ILDR1: variants seen among roughly 807,000 people sequenced by gnomAD.
ILDR1 encodes the protein immunoglobulin-like domain-containing receptor 1.
ILDR1 carries 56 observed loss-of-function variants against 62.4 expected under a neutral mutation model. The observed-to-expected ratio is 0.90, with a 90% confidence interval of 0.72 to 1.12. ILDR1 has a LOEUF of 1.12. ILDR1 is among the 50% of genes most tolerant of loss of function. ILDR1 has a pLI of 0.00. For synonymous variants in ILDR1, 284 were observed against 277.8 expected, an observed-to-expected ratio of 1.02 and a Z score of -0.22; for missense variants, 736 against 710.6, an observed-to-expected ratio of 1.04 and a Z score of -0.41.
the ILDR1 span, among the ~76,000 whole-genome samples, chr3:122,034,537 A>C: frequency 2.0e-5 from 3 of 152,260 alleles, no homozygotes; most frequent in African/African-American, 7.2e-5. Flanking sequence ...TAAGCCAGTA[A>C]CAAGAATCAA....
the ILDR1 span, among the ~76,000 whole-genome samples, chr3:122,048,855 T>TGGACACCTGGCCTC: frequency 6.6e-6 from 1 of 152,118 alleles, no homozygotes; most frequent in Admixed American, 6.5e-5. Flanking sequence ...AGGCTGGTCT[T>TGGACACCTGGCCTC]GGACACCTGG....
At chr3:121,995,430 G>T (rs537818837) in intron 5 of ILDR1, among the ~76,000 whole-genome samples, 49 of 152,336 alleles carry the variant, frequency 3.2e-4, no homozygotes, top group Admixed American at 2.3e-3. Context: ...CACATAGGGT[G>T]TAGGGTTTGC....
the ILDR1 span, among the ~76,000 whole-genome samples, chr3:122,031,492 C>T: frequency 6.6e-6 from 1 of 152,284 alleles, no homozygotes; most frequent in Non-Finnish European, 1.5e-5. Flanking sequence ...CTGCTAGAGA[C>T]TGAATATTTC....
the ILDR1 span, among the ~76,000 whole-genome samples, chr3:122,029,135 G>A: frequency 1.3e-5 from 2 of 152,142 alleles, no homozygotes; most frequent in African/African-American, 2.4e-5. Flanking sequence ...AAAGACTAAA[G>A]CATTATGCTA....
intron 7 of ILDR1, among the ~76,000 whole-genome samples, chr3:121,992,058 T>C (rs773419017): frequency 5.9e-5 from 9 of 152,214 alleles, no homozygotes; most frequent in Admixed American, 5.9e-4. Flanking sequence ...TGAGGCAGTT[T>C]ATTAATGTTT....
chr3:122,016,792 G>A (rs116344860), intron 1 of ILDR1, among the ~76,000 whole-genome samples: 6 of 152,330 alleles, frequency 3.9e-5, no homozygotes, highest in Non-Finnish European at 8.8e-5. Flanking sequence ...CATAGAGAAT[G>A]GTTGGAAGTA....
chr3:122,046,680 T>C, the ILDR1 span, among the ~76,000 whole-genome samples: 1 of 149,526 alleles, frequency 6.7e-6, no homozygotes, highest in East Asian at 2.0e-4. Flanking sequence ...CATCTTCCAT[T>C]GCTGATACCC....
chr3:122,029,291 GA>G, the ILDR1 span, among the ~76,000 whole-genome samples: 2 of 152,032 alleles, frequency 1.3e-5, no homozygotes, highest in African/African-American at 4.8e-5. Flanking sequence ...TGGATCACTT[GA>G]GGTCAGGAGT....
intron 1 of ILDR1, among the ~76,000 whole-genome samples, chr3:122,009,943 T>C (rs756827054): frequency 6.6e-6 from 1 of 152,164 alleles, no homozygotes; most frequent in Non-Finnish European, 1.5e-5. Flanking sequence ...GACTGGGCTG[T>C]GATGCAGATG....
At chr3:122,033,022 T>C in the ILDR1 span, among the ~76,000 whole-genome samples, 55 of 152,344 alleles carry the variant, frequency 3.6e-4, 1 homozygote, top group South Asian at 0.011. Flanking sequence ...GGTACTTTGT[T>C]ATGTGGCAAT....
intron 1 of ILDR1, among the ~76,000 whole-genome samples, chr3:122,009,401 A>G (rs2071670252): frequency 6.7e-6 from 1 of 149,274 alleles, no homozygotes; most frequent in African/African-American, 2.5e-5. Flanking sequence ...TTCAAATTAA[A>G]CTTTAATATT....
the ILDR1 span, among the ~76,000 whole-genome samples, chr3:122,059,899 C>T: frequency 4.1e-4 from 63 of 152,214 alleles, no homozygotes; most frequent in African/African-American, 1.4e-3. Context: ...GCGAAGACGG[C>T]CATCCACATA....
the ILDR1 span, among the ~76,000 whole-genome samples, chr3:122,041,747 T>C: frequency 6.6e-6 from 1 of 152,118 alleles, no homozygotes; most frequent in Non-Finnish European, 1.5e-5. Context: ...GATTTTTGTG[T>C]GTTGATTTCG....
At chr3:122,009,324 A>AACACACACACACACAC (rs60284951) in intron 1 of ILDR1, among the ~76,000 whole-genome samples, 6,808 of 137,716 alleles carry the variant, frequency 0.049, 289 homozygotes, top group Middle Eastern at 0.072. Context: ...CTCAATTTAA[A>AACACACACACACACAC]ACACACACAC....
Position 121,993,737 on chromosome 3 carries a change from C to G in ILDR1, c.1012G>C (p.Asp338His), listed in dbSNP as rs745474744. 6.2e-7 allele frequency: 1 copy of G among 1,614,134 alleles called. No individual in the cohort carries two copies. The highest frequency in any genetic ancestry group is 1.1e-5 in the South Asian group (1 of 91,074). ...CTGGTCCTCCTTGAGGATGACAGGT[C>G]TCTGATCAGTGGGGGCAGGTGGATG... ...RIIHLPPLIR[D>H]LSSSRRTSDS... The change falls in exon 7 of 8, where the codon GAC (aspartate) becomes CAC (histidine). Residue 338 changes from aspartate to histidine, a missense_variant. Asp to His is a moderately conservative substitution (Grantham distance 81). Coordinates refer to ENST00000344209, the MANE Select transcript of ILDR1 (RefSeq NM_001199799.2).
intron 1 of ILDR1, among the ~76,000 whole-genome samples, chr3:122,013,958 T>C (rs1056287012): frequency 1.3e-5 from 2 of 152,214 alleles, no homozygotes; most frequent in Non-Finnish European, 2.9e-5. Flanking sequence ...AAGCTTTACT[T>C]TCTCTCAATT....
chr3:122,005,452 G>A (rs756771623), intron 2 of ILDR1, 59 bp from the exon 3 acceptor site: 4 of 1,596,888 alleles, frequency 2.5e-6, no homozygotes, highest in Non-Finnish European at 3.4e-6. Context: ...CAAAAAAAAG[G>A]TTCCCTTCCT....
chr3:121,990,123 A>G (rs756079056), intron 7 of ILDR1, among the ~76,000 whole-genome samples: 1 of 152,146 alleles, frequency 6.6e-6, no homozygotes, highest in Non-Finnish European at 1.5e-5. Context: ...AGGATGTTTC[A>G]CTACAAGCTC....
chr3:121,997,580 C>T (rs918311123), intron 5 of ILDR1, among the ~76,000 whole-genome samples: 2 of 152,156 alleles, frequency 1.3e-5, no homozygotes, highest in African/African-American at 4.8e-5. Flanking sequence ...AGCCAAGAAA[C>T]CTAGGTTTAG....
Sources: gnomAD v4.1 joint callset for allele counts (sites outside exome capture counted in the v4.1 genomes callset) on GRCh38, gnomAD v4.1.1 for gene constraint, MANE v1.5 for transcripts, NCBI Gene and HGNC (gene_info 2026-07-23, HGNC 2026-07-21) for gene names.